RBM20: variants seen among roughly 807,000 people sequenced by gnomAD.
RBM20 encodes the protein RNA binding motif protein 20.
RBM20 carries 51 observed loss-of-function variants against 110.1 expected under a neutral mutation model. The observed-to-expected ratio is 0.46, with a 90% CI of 0.37 to 0.59. The LOEUF is 0.59. RBM20 is among the 20% of genes least tolerant of loss of function. The pLI, the probability that RBM20 is intolerant of heterozygous loss-of-function variation, is 0.00. For synonymous variants in RBM20, 589 were observed against 618.2 expected (o/e 0.95, Z 0.70); for missense variants, 1,512 against 1,574.9 (o/e 0.96, Z 0.68).
At chr10:110,704,432 G>A (rs1862806413) in intron 1 of RBM20, among the ~76,000 whole-genome samples, 1 of 152,172 alleles carries the variant, frequency 6.6e-6, no homozygotes, top group South Asian at 2.1e-4. Context: ...GAGTGCAATT[G>A]CTGGGTTATA....
At chr10:110,764,218 G>C (rs1226612452) in intron 1 of RBM20, among the ~76,000 whole-genome samples, 1 of 151,960 alleles carries the variant, frequency 6.6e-6, no homozygotes, top group Non-Finnish European at 1.5e-5. Flanking sequence ...GGTTTTTAAG[G>C]GTATCTTCAG....
At chr10:110,703,526 A>G (rs1442412160) in intron 1 of RBM20, among the ~76,000 whole-genome samples, 1 of 152,250 alleles carries the variant, frequency 6.6e-6, no homozygotes, top group Non-Finnish European at 1.5e-5. Flanking sequence ...GAAGAGTATC[A>G]CAGCCAGGAT....
intron 1 of RBM20, among the ~76,000 whole-genome samples, chr10:110,655,904 CT>C (rs34255362): frequency 2.0e-5 from 3 of 149,544 alleles, no homozygotes; most frequent in African/African-American, 7.3e-5. Context: ...TTTTTTTGGT[CT>C]TTTTTTTTTC....
intron 10 of RBM20, 29 bp from the exon 11 acceptor site, chr10:110,821,246 T>A: frequency 1.3e-6 from 2 of 1,540,886 alleles, no homozygotes; most frequent in South Asian, 2.4e-5. Flanking sequence ...TCAACCACCC[T>A]CTGACCTCCA....
At chr10:110,668,139 C>T (rs1300321659) in intron 1 of RBM20, among the ~76,000 whole-genome samples, 2 of 152,124 alleles carry the variant, frequency 1.3e-5, no homozygotes, top group Non-Finnish European at 2.9e-5. Flanking sequence ...CTAAGTTTAG[C>T]ATATGAATGT....
At chr10:110,664,234 T>C (rs181429645) in intron 1 of RBM20, among the ~76,000 whole-genome samples, 1 of 152,292 alleles carries the variant, frequency 6.6e-6, no homozygotes, top group African/African-American at 2.4e-5. Flanking sequence ...ATTCCAGGCC[T>C]GGGGCAGAAA....
chr10:110,793,307 A>G (rs1318176906), intron 5 of RBM20, among the ~76,000 whole-genome samples: 1 of 152,176 alleles, frequency 6.6e-6, no homozygotes, highest in Non-Finnish European at 1.5e-5. Context: ...CACCCCAAGC[A>G]GCCACTGTCC....
At position 110,799,873 on chromosome 10, in the gene RBM20, G is replaced by T; in HGVS notation, c.1755G>T (p.Lys585Asn). The change falls in exon 7 of 14, where the codon AAG becomes AAT. Residue 585 changes from lysine to asparagine, a missense_variant. Lys to Asn is a moderately conservative substitution (Grantham distance 94, BLOSUM62 0). Coordinates refer to ENST00000369519, the MANE Select transcript of RBM20 (RefSeq NM_001134363.3). ...AATCTGCTGTGATCAATGGTGAGAAGTTGCTCATTCGGATGTCCAAGAGAT... is the reference window on the plus strand; with the variant it reads ...AATCTGCTGTGATCAATGGTGAGAATTTGCTCATTCGGATGTCCAAGAGAT... ...QEKSAVINGE[K>N]LLIRMSKRYK... 1 of 1,552,162 alleles carries T rather than the reference G, an allele frequency of 6.4e-7. No individual in the cohort carries two copies. The highest frequency in any genetic ancestry group is 8.7e-7 in the Non-Finnish European group (1 of 1,147,058).
At chr10:110,674,107 A>G (rs1364802170) in intron 1 of RBM20, among the ~76,000 whole-genome samples, 2 of 152,118 alleles carry the variant, frequency 1.3e-5, no homozygotes, top group Admixed American at 6.5e-5. Context: ...TTAAGGGTGC[A>G]TTTTAGTTCA....
intron 9 of RBM20, among the ~76,000 whole-genome samples, chr10:110,816,345 C>G (rs547319860): frequency 1.4e-5 from 2 of 139,902 alleles, no homozygotes; most frequent in South Asian, 4.6e-4. Context: ...CATCTCAACA[C>G]CCCAACCCAT....
chr10:110,823,431 CTTTTTTTTTTTTTTTTT>C (rs201149204), intron 11 of RBM20, 32 bp from the exon 12 acceptor site: 78 of 1,302,852 alleles, frequency 6.0e-5, no homozygotes, highest in African/African-American at 3.2e-4. Flanking sequence ...TGTTGTATTT[CTTTTTTTTTTTTTTTTT>C]TTTTTTTTTT....
In RBM20 at chr10:110,739,040, CTG is replaced by C. The variant is rs1370042639; in HGVS notation, c.192-41760_192-41759del. Among the ~76,000 whole-genome samples the C allele has an allele frequency of 1.3e-5, 2 of 152,162 alleles. No individual in the cohort carries two copies. Among genetic ancestry groups the C allele is most frequent in the African/African-American group, 4.8e-5 (2 of 41,426 alleles). Reference sequence around the variant, plus strand: ...AATCCTTAAGGGAGTTTATCTGTAACTGAGAGAGTATGGGGAGGTGTCTGGAC... The same window carrying C: ...AATCCTTAAGGGAGTTTATCTGTAACAGAGAGTATGGGGAGGTGTCTGGAC... On this transcript the variant is annotated intron_variant, in intron 1 of 13. Transcript: ENST00000369519. This position sits in a 1 kb window ranked among gnomAD's most constrained non-coding sequence, Gnocchi z 4.1.
rs539932441 is a variant in RBM20, at chr10:110,797,567, C to T, written c.1587C>T (p.Ser529=). The change falls in exon 6 of 14, where the codon AGC becomes AGT. Residue 529 remains serine, a synonymous_variant. Coordinates refer to ENST00000369519, the MANE Select transcript of RBM20 (RefSeq NM_001134363.3). The part of the protein sequence containing the change: ...VVHICNLPEG[S]CTENDVINLG... ...ACATCTGCAATCTCCCTGAAGGAAG[C>T]TGCACTGAGAATGACGTCATTAACC... The T allele has an allele frequency of 1.3e-6, 2 of 1,551,524 alleles. No individual in the cohort carries two copies. Among genetic ancestry groups the T allele is most frequent in the South Asian group, 1.2e-5 (1 of 84,064 alleles).
chr10:110,809,604 G>A (rs982271847), intron 7 of RBM20, among the ~76,000 whole-genome samples: 11 of 152,142 alleles, frequency 7.2e-5, no homozygotes, highest in South Asian at 2.1e-4. Flanking sequence ...CATAGCCACC[G>A]TCTAATGACC....
At position 110,836,038 on chromosome 10, in the gene RBM20, G is replaced by A. The variant is rs1413670554; in HGVS notation, c.*60G>A. The A allele has an allele frequency of 5.7e-6, 4 of 700,316 alleles. No individual in the cohort carries two copies. The highest frequency in any genetic ancestry group is 1.8e-5 in the African/African-American group (1 of 55,792). The allele number at this position is 700,316 out of a possible 1,614,324, so 43.4% of individuals were successfully genotyped here. A position where few individuals can be genotyped will look rare whatever the true frequency, so the allele number is the denominator to read the frequency against. ...AGGTTGGAAAGGAGAGCTTGCTGAA[G>A]TGGGGCCTTCCTGATTCTGGGGACA... is the stretch of plus-strand genomic sequence containing the variant. On this transcript the variant is annotated 3_prime_UTR_variant, in exon 14 of 14. Coordinates refer to ENST00000369519, the MANE Select transcript of RBM20 (RefSeq NM_001134363.3).
chr10:110,783,513 G>A, intron 3 of RBM20, 86 bp downstream of exon 3: 1 of 1,093,964 alleles, frequency 9.1e-7, no homozygotes, highest in South Asian at 1.4e-5. Context: ...GCTGTTTTGA[G>A]TCCTGGGGCA....
At chr10:110,689,212 C>T (rs186104976) in intron 1 of RBM20, among the ~76,000 whole-genome samples, 76 of 152,324 alleles carry the variant, frequency 5.0e-4, no homozygotes, top group African/African-American at 1.8e-3. Flanking sequence ...GATCCTCCAA[C>T]CAACTCAACT....
At chr10:110,728,737 G>T (rs1245722423) in intron 1 of RBM20, among the ~76,000 whole-genome samples, 1 of 152,142 alleles carries the variant, frequency 6.6e-6, no homozygotes. Context: ...GAGGTGGGTG[G>T]GCAGGTGTCA....
chr10:110,700,056 T>G lies in RBM20; in HGVS notation c.191+55411T>G, dbSNP rs149507037. On this transcript the variant is annotated intron_variant, in intron 1 of 13. Transcript: ENST00000369519. ...CAGTGTGTAATTTAAAACTTACGAA[T>G]TATTTATTTCTGGAATTTTCCATGT... 4.3e-3 allele frequency among the ~76,000 whole-genome samples: 661 copies of G among 152,312 alleles called. 5 individuals carry two copies. Among genetic ancestry groups the G allele is most frequent in the African/African-American group, 0.015 (614 of 41,554 alleles).
Sources: allele counts gnomAD v4.1 joint callset (sites outside exome capture counted in the v4.1 genomes callset), GRCh38; gene constraint gnomAD v4.1.1; non-coding constraint Gnocchi (gnomAD v3.1); transcripts MANE v1.5; gene names NCBI Gene and HGNC (gene_info 2026-07-23, HGNC 2026-07-21).